The following SMAGP variants were observed in gnomAD, a reference collection of about 807,000 sequenced individuals.
SMAGP encodes small cell adhesion glycoprotein.
SMAGP carries 7 observed loss-of-function variants against 10.1 expected under a neutral mutation model. That is an observed-to-expected ratio of 0.70 (90% confidence interval 0.40 to 1.31). The LOEUF (loss-of-function observed/expected upper bound fraction) is 1.31. SMAGP is among the 50% of genes most tolerant of loss of function. SMAGP has a pLI of 0.01. For missense variants in SMAGP, 113 were observed against 116.5 expected, an observed-to-expected ratio of 0.97 and a Z score of 0.14; for synonymous variants, 49 against 47.2, an observed-to-expected ratio of 1.04 and a Z score of -0.16.
intron 3 of SMAGP, chr12:51,246,495 C>T (rs186212058): frequency 2.2e-6 from 1 of 446,716 alleles, no homozygotes; most frequent in Non-Finnish European, 4.0e-6. Flanking sequence ...ATCCTCGTCC[C>T]TACCCACGTA....
chr12:51,246,502 C>T (rs533981950), intron 3 of SMAGP: 24 of 446,584 alleles, frequency 5.4e-5, no homozygotes, highest in African/African-American at 4.1e-4. Context: ...TCCCTACCCA[C>T]GTACTCAAGT....
Position 51,246,805 on chromosome 12 carries a change from G to C in SMAGP, c.61C>G (p.Gln21Glu), listed in dbSNP as rs1356412183. The change falls in exon 3 of 4, where the codon CAG becomes GAG. Residue 21 changes from glutamine to glutamate, a missense_variant. Transcript: ENST00000603798. ...REELMTTPILQPTEALSPEDG... is the reference protein window; with the variant it reads ...REELMTTPILEPTEALSPEDG... ...TCTGGGGACAGGGCCTCAGTGGGCT[G>C]TAAAATTGGGGTGGTCATCAGTTCT... 1 of 1,579,152 alleles carries C rather than the reference G, an allele frequency of 6.3e-7. No individual in the cohort carries two copies. The highest frequency in any genetic ancestry group is 1.4e-5 in the African/African-American group (1 of 73,978).
At position 51,245,973 on chromosome 12, in the gene SMAGP, TG is replaced by T; in HGVS notation, c.261del (p.Lys88ArgfsTer28). 6.2e-7 allele frequency: 1 copy of T among 1,613,934 alleles called. No individual in the cohort carries two copies. The highest frequency in any genetic ancestry group is 1.1e-5 in the South Asian group (1 of 91,074). On this transcript the variant is annotated frameshift_variant, in exon 4 of 4. Transcript: ENST00000603798. LOFTEE classifies it high-confidence loss of function. ...SAIVQMESDL[A>X]KGSEKEEYFI Reference sequence around the variant, plus strand: ...AAATATTCCTCTTTCTCGCTGCCCTTGGCCAAGTCACTCTCCATCTGGACGA... The same window carrying T: ...AAATATTCCTCTTTCTCGCTGCCCTTGCCAAGTCACTCTCCATCTGGACGA...
intron 2 of SMAGP, among the ~76,000 whole-genome samples, chr12:51,263,631 G>A (rs1177809322): frequency 6.6e-6 from 1 of 152,114 alleles, no homozygotes; most frequent in Non-Finnish European, 1.5e-5. Flanking sequence ...AATGCTAAGT[G>A]TCTAATACAG....
Position 51,245,951 on chromosome 12 carries a change from T to C in SMAGP, c.284A>G (p.Tyr95Cys), listed in dbSNP as rs1592230139. 1 of 1,613,262 alleles carries C rather than the reference T, an allele frequency of 6.2e-7. No homozygotes were observed. Among genetic ancestry groups the C allele is most frequent in the Non-Finnish European group, 8.5e-7 (1 of 1,179,458 alleles). Residue 95 changes from tyrosine to cysteine, a missense_variant, in exon 4 of 4, where the codon TAT becomes TGT. Transcript: ENST00000603798. ...DLAKGSEKEE[Y>C]FI ...GGGGCCTGGGAGTCATTAGATGAAATATTCCTCTTTCTCGCTGCCCTTGGC... is the reference window on the plus strand; with the variant it reads ...GGGGCCTGGGAGTCATTAGATGAAACATTCCTCTTTCTCGCTGCCCTTGGC...
At chr12:51,262,974 G>C (rs542532332) in intron 2 of SMAGP, among the ~76,000 whole-genome samples, 1 of 152,290 alleles carries the variant, frequency 6.6e-6, no homozygotes, top group South Asian at 2.1e-4. Context: ...CAGTTGGGTG[G>C]AGTGAGACCT....
rs565902845 is a variant in SMAGP at position 51,254,764 on chromosome 12, T to C, written c.35-7933A>G. ...GGGAGGCAGTCATGCAAAGAGCTGA[T>C]TGAGGAACATTCCAGGCAGAGGGGA... On this transcript the variant is annotated intron_variant, in intron 2 of 3. Coordinates refer to ENST00000603798, the MANE Select transcript of SMAGP (RefSeq NM_001031628.2). Among the ~76,000 whole-genome samples the C allele has an allele frequency of 4.6e-5, 7 of 152,036 alleles. No homozygotes were observed. The South Asian group carries it at 6.2e-4, about 14-fold the overall frequency.
chr12:51,247,936 A>AC (rs749442304), intron 2 of SMAGP, among the ~76,000 whole-genome samples: 87 of 151,638 alleles, frequency 5.7e-4, no homozygotes, highest in Non-Finnish European at 1.1e-3. Flanking sequence ...GCCAGAAGCG[A>AC]CCCCCCAAGG....
chr12:51,245,100 C>T lies in SMAGP; in HGVS notation c.*841G>A, dbSNP rs1592229679. On this transcript the variant is annotated 3_prime_UTR_variant, in exon 4 of 4. Transcript: ENST00000603798. ...CCTCGGCCTCCCAAAGTGCTGGGAT[C>T]ACAGGCGTGAGCCACCGAACCCGGC... 1 of 152,180 alleles carries T rather than the reference C, an allele frequency of 6.6e-6. No homozygotes were observed. The highest frequency in any genetic ancestry group is 1.5e-5 in the Non-Finnish European group (1 of 68,076). 9.4% of individuals were successfully genotyped at this position (152,180 alleles called of 1,614,324 possible).
intron 2 of SMAGP, among the ~76,000 whole-genome samples, chr12:51,259,178 T>C (rs1318676215): frequency 2.0e-5 from 3 of 152,106 alleles, no homozygotes; most frequent in African/African-American, 7.2e-5. Flanking sequence ...GATATATACA[T>C]ACATATTTTT....
rs1944754222 is a variant in SMAGP at position 51,245,436 on chromosome 12, T to A, written c.*505A>T. The A allele has an allele frequency of 6.5e-6, 1 of 152,824 alleles. No individual in the cohort carries two copies. The highest frequency in any genetic ancestry group is 2.4e-5 in the African/African-American group (1 of 41,394). 9.5% of individuals were successfully genotyped at this position (152,824 alleles called of 1,614,324 possible). A position where few individuals can be genotyped will look rare whatever the true frequency, so the allele number is the denominator to read the frequency against. On this transcript the variant is annotated 3_prime_UTR_variant, in exon 4 of 4. Coordinates refer to ENST00000603798, the MANE Select transcript of SMAGP (RefSeq NM_001031628.2). ...GGAACACGGAAAGGAAGGGCTCAGATTAGGGGGTGTAGCACATTTATCAGG... is the reference window on the plus strand; with the variant it reads ...GGAACACGGAAAGGAAGGGCTCAGAATAGGGGGTGTAGCACATTTATCAGG...
chr12:51,260,837 C>G (rs1471177175), intron 2 of SMAGP, among the ~76,000 whole-genome samples: 1 of 150,124 alleles, frequency 6.7e-6, no homozygotes, highest in Non-Finnish European at 1.5e-5. Context: ...AGGCGCCCAC[C>G]ACCACGCCCA....
rs5798164 is a variant in SMAGP, at chr12:51,244,820, C to CT, written c.*1120dup. ...TTGAACCAACTCATCTCCCAGGGTA[C>CT]TTTTTTTTTTTTTTTTTTTTTTGAG... is the stretch of plus-strand genomic sequence containing the variant. On this transcript the variant is annotated 3_prime_UTR_variant, in exon 4 of 4. Transcript: ENST00000603798. 0.58 allele frequency: 53,610 copies of CT among 92,058 alleles called. 17,408 individuals are homozygous for CT. The highest frequency in any genetic ancestry group is 0.64 in the South Asian group (1,635 of 2,556). The allele number at this position is 92,058 out of a possible 1,614,324, so 5.7% of individuals were successfully genotyped here.
intron 2 of SMAGP, among the ~76,000 whole-genome samples, chr12:51,264,147 G>A (rs187339208): frequency 1.5e-3 from 233 of 152,208 alleles, no homozygotes; most frequent in African/African-American, 5.4e-3. Flanking sequence ...TGGGAAGGTG[G>A]GGGAAGAGAA....
intron 2 of SMAGP, among the ~76,000 whole-genome samples, chr12:51,265,288 G>A (rs188075536): frequency 5.8e-4 from 88 of 152,234 alleles, no homozygotes; most frequent in Admixed American, 2.2e-3. Context: ...TGGTGCAGCT[G>A]CTGTGCAAAC....
chr12:51,270,343 C>T lies in SMAGP; in HGVS notation c.-126G>A, dbSNP rs1945020631. 1 of 179,680 alleles carries T rather than the reference C, an allele frequency of 5.6e-6. No individual in the cohort carries two copies. Among genetic ancestry groups the T allele is most frequent in the Non-Finnish European group, 1.2e-5 (1 of 86,440 alleles). The allele number at this position is 179,680 out of a possible 1,614,324, so 11.1% of individuals were successfully genotyped here. ...AACGGGGGCGGGCACCGCGGAGTCG[C>T]GGAGGCCAGCAGAGGCCGAACGAGG... On this transcript the variant is annotated 5_prime_UTR_variant, in exon 1 of 4. Transcript: ENST00000603798.
intron 2 of SMAGP, among the ~76,000 whole-genome samples, chr12:51,258,416 A>C (rs375319390): frequency 5.3e-5 from 8 of 151,918 alleles, no homozygotes; most frequent in Admixed American, 2.0e-4. Flanking sequence ...ACATGGTGAA[A>C]CCCCATCTCT....
rs1945018722 is a variant in SMAGP, at chr12:51,270,220, GGCTCTCCGGCGCCCCC to G, written c.-39+20_-39+35del. 6.6e-6 allele frequency: 1 copy of G among 152,610 alleles called. No homozygotes were observed. Among genetic ancestry groups the G allele is most frequent in the Admixed American group, 6.5e-5 (1 of 15,282 alleles). 9.5% of individuals were successfully genotyped at this position (152,610 alleles called of 1,614,324 possible). A position where few individuals can be genotyped will look rare whatever the true frequency, so the allele number is the denominator to read the frequency against. ...TGGCTGCGGCGAATGTGGGCGACCCGGCTCTCCGGCGCCCCCGCCCTTCCCTCGTGCTCACCTTTCC... is the reference window on the plus strand; with the variant it reads ...TGGCTGCGGCGAATGTGGGCGACCCGGCCCTTCCCTCGTGCTCACCTTTCC... On this transcript the variant is annotated intron_variant, in intron 1 of 3. Coordinates refer to ENST00000603798, the MANE Select transcript of SMAGP (RefSeq NM_001031628.2).
At chr12:51,252,149 A>G (rs963681393) in intron 2 of SMAGP, among the ~76,000 whole-genome samples, 6 of 150,904 alleles carry the variant, frequency 4.0e-5, no homozygotes, top group Non-Finnish European at 5.9e-5. Flanking sequence ...GCTGGAGTGC[A>G]GTGGCGCGAT....
Sources: allele counts gnomAD v4.1 joint callset (sites outside exome capture counted in the v4.1 genomes callset), GRCh38; gene constraint gnomAD v4.1.1; transcripts MANE v1.5; gene names NCBI Gene and HGNC (gene_info 2026-07-23, HGNC 2026-07-21).